DSN1: variants seen among roughly 807,000 people sequenced by gnomAD.
DSN1 encodes the protein kinetochore-associated protein DSN1 homolog.
Under a neutral mutation model 45.7 loss-of-function variants are expected in DSN1, and 31 were observed. The observed-to-expected ratio is 0.68, with a 90% CI of 0.51 to 0.92. The LOEUF (loss-of-function observed/expected upper bound fraction) is 0.92. Ranked by LOEUF, DSN1 falls within the 40% of genes least tolerant of loss-of-function variation. The pLI, the probability that DSN1 is intolerant of heterozygous loss-of-function variation, is 0.00. For synonymous variants in DSN1, 134 were observed against 142.3 expected (o/e 0.94, Z 0.41); for missense variants, 394 against 414.2 (o/e 0.95, Z 0.42).
intron 8 of DSN1, among the ~76,000 whole-genome samples, chr20:36,756,998 C>T (rs958570581): frequency 3.9e-5 from 6 of 152,116 alleles, no homozygotes; most frequent in Admixed American, 3.9e-4. Context: ...AGTTGGGATT[C>T]TAGCTGATTC....
chr20:36,771,558 C>G, intron 1 of DSN1, 85 bp from the exon 2 acceptor site: 1 of 1,318,780 alleles, frequency 7.6e-7, no homozygotes, highest in Non-Finnish European at 1.1e-6. Context: ...ATAAATAGGC[C>G]GTGTGCTTTC....
At chr20:36,771,547 A>G in intron 1 of DSN1, 74 bp from the exon 2 acceptor site, 1 of 1,397,540 alleles carries the variant, frequency 7.2e-7, no homozygotes, top group Non-Finnish European at 1.0e-6. Context: ...ACAGCCCCAG[A>G]ATAAATAGGC....
chr20:36,758,212 A>G (rs1413876912), intron 7 of DSN1, 51 bp from the exon 8 acceptor site: 1 of 1,505,346 alleles, frequency 6.6e-7, no homozygotes, highest in South Asian at 1.2e-5. Flanking sequence ...TCTTATTCTG[A>G]ATCACTCACA....
chr20:36,766,723 C>T, intron 5 of DSN1, 46 bp downstream of exon 5: 2 of 1,533,032 alleles, frequency 1.3e-6, no homozygotes, highest in Non-Finnish European at 1.8e-6. Context: ...GTGAGCAAAG[C>T]TTTGACTGCC....
At chr20:36,767,076 C>G (rs1171427151) in intron 4 of DSN1, among the ~76,000 whole-genome samples, 1 of 151,486 alleles carries the variant, frequency 6.6e-6, no homozygotes, top group Non-Finnish European at 1.5e-5. Flanking sequence ...GAGGCTGAGA[C>G]AGGCGGATAA....
chr20:36,769,594 G>C (rs535181616), intron 3 of DSN1, among the ~76,000 whole-genome samples: 11 of 152,222 alleles, frequency 7.2e-5, no homozygotes, highest in African/African-American at 2.6e-4. Flanking sequence ...AGACCACTTG[G>C]AAATAGGACG....
chr20:36,752,938 T>C, intron 10 of DSN1, 41 bp from the exon 11 acceptor site: 1 of 1,503,748 alleles, frequency 6.7e-7, no homozygotes, highest in Non-Finnish European at 9.3e-7. Context: ...TCAATTGAAA[T>C]AACGTAACAT....
chr20:36,771,097 A>C lies in DSN1; in HGVS notation c.131T>G (p.Met44Arg). Reference protein sequence around the residue: ...VFAKTSASLEMNQGVSEERIH... With the variant: ...VFAKTSASLERNQGVSEERIH... ...TCTTTCCTCTGAAACGCCTTGATTC[A>C]TCTCCAGGGAGGCAGATGTTTTAGC... is the stretch of plus-strand genomic sequence containing the variant. The change falls in exon 3 of 11, where the codon ATG becomes AGG. Residue 44 changes from methionine to arginine, a missense_variant. Coordinates refer to ENST00000373750, the MANE Select transcript of DSN1 (RefSeq NM_001145315.2). 1 of 1,614,162 alleles carries C rather than the reference A, an allele frequency of 6.2e-7. No homozygotes were observed. Among genetic ancestry groups the C allele is most frequent in the Middle Eastern group, 1.6e-4 (1 of 6,062 alleles).
At chr20:36,772,557 TG>T (rs983101167) in intron 1 of DSN1, among the ~76,000 whole-genome samples, 2 of 152,234 alleles carry the variant, frequency 1.3e-5, no homozygotes, top group Non-Finnish European at 2.9e-5. Flanking sequence ...CCCAAAGTGC[TG>T]GGATTACAGG....
chr20:36,763,298 G>A (rs141976062), intron 5 of DSN1, among the ~76,000 whole-genome samples: 260 of 151,408 alleles, frequency 1.7e-3, no homozygotes, highest in African/African-American at 6.0e-3. Context: ...CCGGCTACTC[G>A]GGAGGCTGAG....
At chr20:36,773,578 G>C in intron 1 of DSN1, 84 bp downstream of exon 1, 1 of 985,834 alleles carries the variant, frequency 1.0e-6, no homozygotes, top group South Asian at 4.7e-5. Flanking sequence ...CGACGCCGAA[G>C]AGATTAGTGC....
chr20:36,754,696 A>G, intron 10 of DSN1, 67 bp downstream of exon 10: 1 of 1,361,702 alleles, frequency 7.3e-7, no homozygotes, highest in Non-Finnish European at 1.0e-6. Flanking sequence ...TTTGAAGGGC[A>G]GTTTGTATCC....
rs547921340 is a variant in DSN1 at position 36,752,388 on chromosome 20, C to G, written c.*400G>C. 5.0e-5 allele frequency: 8 copies of G among 159,094 alleles called. No homozygotes were observed. The highest frequency in any genetic ancestry group is 1.9e-4 in the African/African-American group (8 of 41,746). The allele number at this position is 159,094 out of a possible 1,614,324, so 9.9% of individuals were successfully genotyped here. On this transcript the variant is annotated 3_prime_UTR_variant, in exon 11 of 11. Transcript: ENST00000373750. ...TTCTACCTAAAATCACCTTCAGAGC[C>G]ATGCTAGAAAATTAGTATCATTCCT...
intron 5 of DSN1, among the ~76,000 whole-genome samples, chr20:36,766,209 A>G (rs927786415): frequency 3.3e-5 from 5 of 151,678 alleles, no homozygotes; most frequent in Admixed American, 6.6e-5. Context: ...AAAAAAAAAA[A>G]AAAGAAAAAA....
chr20:36,767,885 G>A (rs1318003876), intron 4 of DSN1, 84 bp downstream of exon 4: 1 of 1,369,836 alleles, frequency 7.3e-7, no homozygotes. Flanking sequence ...CTGGGTGACA[G>A]AGTCAGGCTC....
At position 36,754,763 on chromosome 20, in the gene DSN1, C is replaced by T. The variant is rs775990073; in HGVS notation, c.961G>A (p.Gly321Arg). ...TGGTCCCCTCAAGAGACAAGCTTAC[C>T]GAGCTGTACTGACACCTTCTGGAAG... is the stretch of plus-strand genomic sequence containing the variant. The part of the protein sequence containing the change: ...QCFQKVSVQL[G>R]KRSMQQLDPS... The change falls in exon 10 of 11, where the codon GGA becomes AGA. Residue 321 changes from glycine (G) to arginine (R), a missense_variant and splice_region_variant. Coordinates refer to ENST00000373750, the MANE Select transcript of DSN1 (RefSeq NM_001145315.2). The T allele has an allele frequency of 6.8e-6, 11 of 1,613,420 alleles. No individual in the cohort carries two copies. Among genetic ancestry groups the T allele is most frequent in the African/African-American group, 6.7e-5 (5 of 74,888 alleles).
chr20:36,752,001 ATATG>A lies in DSN1; in HGVS notation c.*783_*786del, dbSNP rs928865232. 3.9e-5 allele frequency: 6 copies of A among 152,170 alleles called. No individual in the cohort carries two copies. Among genetic ancestry groups the A allele is most frequent in the African/African-American group, 1.4e-4 (6 of 41,444 alleles). 9.4% of individuals were successfully genotyped at this position (152,170 alleles called of 1,614,324 possible). A position where few individuals can be genotyped will look rare whatever the true frequency, so the allele number is the denominator to read the frequency against. On this transcript the variant is annotated 3_prime_UTR_variant, in exon 11 of 11. Transcript: ENST00000373750. ...CAAATTGAACATCTTGTGAAGTGAC[ATATG>A]TATCCCAATGATGCAAATAATGCTC...
intron 5 of DSN1, 31 bp downstream of exon 5, chr20:36,766,738 G>A (rs1987360943): frequency 6.3e-7 from 1 of 1,589,958 alleles, no homozygotes. Context: ...ACTGCCCAGG[G>A]TCAAAGCTCA....
intron 9 of DSN1, 149 bp downstream of exon 9, chr20:36,755,533 T>A (rs1262412663): frequency 2.1e-6 from 2 of 939,554 alleles, no homozygotes; most frequent in Non-Finnish European, 3.1e-6. Flanking sequence ...TGTTTATTAT[T>A]TTTTAATTGT....
Sources: gnomAD v4.1 joint callset for allele counts (sites outside exome capture counted in the v4.1 genomes callset) on GRCh38, gnomAD v4.1.1 for gene constraint, MANE v1.5 for transcripts, NCBI Gene and HGNC (gene_info 2026-07-23, HGNC 2026-07-21) for gene names.